Variants in DPP6 observed in about 807,000 individuals in gnomAD.
The protein encoded by DPP6 is dipeptidyl peptidase like 6.
DPP6 carries 69 observed loss-of-function variants against 122.6 expected under a neutral mutation model. The ratio of observed to expected loss-of-function variants is 0.56; its 90% CI spans 0.46 to 0.69. The LOEUF (loss-of-function observed/expected upper bound fraction) is 0.69. Among genes scored for constraint, DPP6 ranks in the 30% least tolerant of loss-of-function variants. The pLI is 0.00. For synonymous variants in DPP6, 418 were observed against 433.1 expected, an observed-to-expected ratio of 0.97 and a Z score of 0.43; for missense variants, 928 against 1,116.9, an observed-to-expected ratio of 0.83 and a Z score of 2.41.
chr7:154,400,512 G>C (rs1373888791), intron 1 of DPP6, among the ~76,000 whole-genome samples: 1 of 152,192 alleles, frequency 6.6e-6, no homozygotes, highest in Non-Finnish European at 1.5e-5. Context: ...GGCCATTTTA[G>C]CGGCTGCCCA....
intron 1 of DPP6, among the ~76,000 whole-genome samples, chr7:154,246,469 A>C (rs1403254859): frequency 6.6e-6 from 1 of 152,240 alleles, no homozygotes; most frequent in African/African-American, 2.4e-5. Flanking sequence ...GTTCTCCAGC[A>C]ATTGATTTAT....
chr7:154,695,234 C>T (rs752541578), intron 7 of DPP6, among the ~76,000 whole-genome samples: 2 of 152,104 alleles, frequency 1.3e-5, no homozygotes, highest in African/African-American at 2.4e-5. Flanking sequence ...CCTCGGCCCC[C>T]GGGTACCTGG....
At chr7:153,979,405 A>AATACT (rs1411314413) in intron 1 of DPP6, among the ~76,000 whole-genome samples, 6 of 152,376 alleles carry the variant, frequency 3.9e-5, no homozygotes, top group Non-Finnish European at 8.8e-5. Flanking sequence ...TTGTATCCTG[A>AATACT]GACTTTGCTG....
At chr7:154,052,073 C>T (rs979835982), upstream of DPP6, among the ~76,000 whole-genome samples, 1 of 150,510 alleles carries the variant, frequency 6.6e-6, no homozygotes, top group Non-Finnish European at 1.5e-5. This position sits in a 1 kb window ranked among gnomAD's most constrained non-coding sequence, Gnocchi z 4.8. Flanking sequence ...CTGCCTGCCT[C>T]GACCTCCGCA....
chr7:154,430,420 G>T (rs375655279), intron 1 of DPP6, among the ~76,000 whole-genome samples: 1 of 152,152 alleles, frequency 6.6e-6, no homozygotes, highest in Non-Finnish European at 1.5e-5. Flanking sequence ...GTGTGCTGGC[G>T]TGGTCAGGTC....
At chr7:154,735,451 C>A (rs75095751) in intron 8 of DPP6, among the ~76,000 whole-genome samples, 3 of 152,194 alleles carry the variant, frequency 2.0e-5, no homozygotes, top group Admixed American at 1.3e-4. Flanking sequence ...CAGTGTCTGG[C>A]GAAGCTATCA....
intron 7 of DPP6, among the ~76,000 whole-genome samples, chr7:154,687,767 A>G (rs1839703918): frequency 6.6e-6 from 1 of 152,218 alleles, no homozygotes; most frequent in Admixed American, 6.5e-5. Context: ...CCCCAAGGAC[A>G]TAGTCTCGTA....
chr7:154,606,102 T>C (rs1401765848), intron 5 of DPP6, among the ~76,000 whole-genome samples: 1 of 120,554 alleles, frequency 8.3e-6, no homozygotes, highest in Non-Finnish European at 1.9e-5. Flanking sequence ...TCAATTTTCA[T>C]GACAAGGATT....
intron 1 of DPP6, among the ~76,000 whole-genome samples, chr7:154,295,984 A>C (rs9640199): frequency 7.1e-6 from 1 of 141,000 alleles, no homozygotes; most frequent in Admixed American, 7.4e-5. Context: ...TCTCTCTGTC[A>C]CCCAGGCTGG....
chr7:154,483,401 T>TTTTTTTTA lies in DPP6; in HGVS notation c.457+8364_457+8365insTTTTTTTA, dbSNP rs61038137. Among the ~76,000 whole-genome samples, 16 of 151,360 alleles carry TTTTTTTTA rather than the reference T, an allele frequency of 1.1e-4. No individual in the cohort carries two copies. Among genetic ancestry groups the TTTTTTTTA allele is most frequent in the African/African-American group, 3.9e-4 (16 of 41,248 alleles). On this transcript the variant is annotated intron_variant, in intron 3 of 25. Coordinates refer to ENST00000377770, the MANE Select transcript of DPP6 (RefSeq NM_130797.4). The surrounding 1 kb of genome is among the most constrained non-coding windows in gnomAD (Gnocchi z 8.1). The stretch of plus-strand genomic sequence containing the variant: ...AGGCACAATACAATTTTTTTTTTTT[T>TTTTTTTTA]AAAAGCATTTATTTGAGCAAACAGT...
intron 1 of DPP6, among the ~76,000 whole-genome samples, chr7:154,298,401 G>A (rs1805685339): frequency 6.6e-6 from 1 of 152,126 alleles, no homozygotes; most frequent in Non-Finnish European, 1.5e-5. Flanking sequence ...ATATTCTGGA[G>A]ACACAAGAGA....
At chr7:154,415,014 G>C (rs550912117) in intron 1 of DPP6, among the ~76,000 whole-genome samples, 16 of 152,260 alleles carry the variant, frequency 1.1e-4, no homozygotes, top group African/African-American at 3.1e-4. Context: ...CATCTTGAAG[G>C]CTGGCCACTG....
At chr7:154,884,085 CACACATGCTCACCCAT>C (rs1805815929) in intron 21 of DPP6, 1 of 144,522 alleles carries the variant, frequency 6.9e-6, no homozygotes, top group Non-Finnish European at 1.5e-5. Flanking sequence ...CATGCTCACA[CACACATGCTCACCCAT>C]ACACATGCTC....
chr7:153,960,676 TG>T, intron 1 of DPP6, among the ~76,000 whole-genome samples: 1 of 11,614 alleles, frequency 8.6e-5, no homozygotes, highest in African/African-American at 3.6e-4. Context: ...GGTGTGTATG[TG>T]TGTACATGCG....
Position 154,852,658 on chromosome 7 carries a change from C to T in DPP6, c.1667-1122C>T, listed in dbSNP as rs112225689. ...AATGCAGAAAACAACAGCAGTGAAT[C>T]TGACACATTCTTGACTGTCTCGGAG... On this transcript the variant is annotated intron_variant, in intron 16 of 25. Coordinates refer to ENST00000377770, the MANE Select transcript of DPP6 (RefSeq NM_130797.4). Among the ~76,000 whole-genome samples the T allele has an allele frequency of 2.9e-3, 436 of 152,354 alleles. 3 individuals carry two copies. Among genetic ancestry groups the T allele is most frequent in the African/African-American group, 0.01 (420 of 41,590 alleles).
intron 1 of DPP6, among the ~76,000 whole-genome samples, chr7:154,382,249 G>GTGATCC (rs1208967623): frequency 6.6e-6 from 1 of 151,934 alleles, no homozygotes; most frequent in Non-Finnish European, 1.5e-5. Flanking sequence ...GTGCAGTGCT[G>GTGATCC]CAATCTTGGC....
intron 7 of DPP6, among the ~76,000 whole-genome samples, chr7:154,701,353 T>A (rs1840516731): frequency 6.6e-6 from 1 of 152,236 alleles, no homozygotes; most frequent in South Asian, 2.1e-4. Context: ...TGTTTAGATC[T>A]AAGCCTATAC....
At chr7:154,649,017 G>C (rs190311885) in intron 6 of DPP6, among the ~76,000 whole-genome samples, 1 of 152,084 alleles carries the variant, frequency 6.6e-6, no homozygotes, top group Non-Finnish European at 1.5e-5. Flanking sequence ...CAAGACTCAG[G>C]GCAGTCCCAC....
intron 1 of DPP6, among the ~76,000 whole-genome samples, chr7:154,252,591 T>C (rs1209023585): frequency 6.6e-6 from 1 of 152,226 alleles, no homozygotes; most frequent in Admixed American, 6.5e-5. Flanking sequence ...CAAATGTCAT[T>C]GTTAATTCCT....
Sources: gnomAD v4.1 joint callset for allele counts (sites outside exome capture counted in the v4.1 genomes callset) on GRCh38, gnomAD v4.1.1 for gene constraint, Gnocchi (gnomAD v3.1) non-coding constraint, MANE v1.5 for transcripts, NCBI Gene and HGNC (gene_info 2026-07-23, HGNC 2026-07-21) for gene names.